Variants in SLC4A10 observed in about 807,000 individuals in gnomAD.
SLC4A10 encodes the protein sodium-driven chloride bicarbonate exchanger.
Under a neutral mutation model 137.7 loss-of-function variants are expected in SLC4A10, and 42 were observed. The observed-to-expected ratio is 0.30, with a 90% confidence interval of 0.24 to 0.39. The LOEUF is 0.39. Among genes scored for constraint, SLC4A10 ranks in the 10% least tolerant of loss-of-function variants. The pLI is 1.00. For synonymous variants in SLC4A10, 474 were observed against 464.1 expected (o/e 1.02, Z -0.27); for missense variants, 925 against 1,355.0 (o/e 0.68, Z 4.98).
At chr2:161,755,302 T>C (rs1329743365) in intron 1 of SLC4A10, among the ~76,000 whole-genome samples, 1 of 152,204 alleles carries the variant, frequency 6.6e-6, no homozygotes, top group Admixed American at 6.5e-5. Flanking sequence ...CATTATTTCA[T>C]TTGGTATGTG....
chr2:161,724,373 A>T (rs1212726543), intron 1 of SLC4A10, among the ~76,000 whole-genome samples: 1 of 152,194 alleles, frequency 6.6e-6, no homozygotes, highest in Non-Finnish European at 1.5e-5. Context: ...CTCCTGCCAC[A>T]TCCCAAATAT....
intron 1 of SLC4A10, among the ~76,000 whole-genome samples, chr2:161,746,689 G>C (rs909219256): frequency 6.6e-6 from 1 of 152,050 alleles, no homozygotes; most frequent in Non-Finnish European, 1.5e-5. Context: ...GAATGTGCTG[G>C]GTTACACCTG....
intron 1 of SLC4A10, among the ~76,000 whole-genome samples, chr2:161,732,610 C>T (rs980157175): frequency 2.0e-5 from 3 of 152,162 alleles, no homozygotes; most frequent in East Asian, 1.9e-4. Flanking sequence ...TGCAGGCTTC[C>T]ATTGATCTTA....
intron 2 of SLC4A10, among the ~76,000 whole-genome samples, chr2:161,790,487 G>A (rs2054082839): frequency 6.6e-6 from 1 of 152,084 alleles, no homozygotes; most frequent in Non-Finnish European, 1.5e-5. Flanking sequence ...TCAACTGGTG[G>A]AGCAATTCTA....
chr2:161,720,596 C>T (rs1471979765), intron 1 of SLC4A10, among the ~76,000 whole-genome samples: 1 of 152,112 alleles, frequency 6.6e-6, no homozygotes, highest in African/African-American at 2.4e-5. Flanking sequence ...GGACAGTTAG[C>T]TCCTCTTGTT....
intron 1 of SLC4A10, among the ~76,000 whole-genome samples, chr2:161,672,605 G>T (rs2039861002): frequency 6.6e-6 from 1 of 151,874 alleles, no homozygotes; most frequent in African/African-American, 2.4e-5. Flanking sequence ...TTACTTCGAG[G>T]GGTGACAGAA....
intron 1 of SLC4A10, among the ~76,000 whole-genome samples, chr2:161,667,179 G>T (rs2039146532): frequency 6.6e-6 from 1 of 151,500 alleles, no homozygotes; most frequent in African/African-American, 2.4e-5. Flanking sequence ...TCTGGGTTTG[G>T]GTTCTATTTC....
chr2:161,885,498 G>C (rs777314581), intron 10 of SLC4A10, among the ~76,000 whole-genome samples: 5 of 152,066 alleles, frequency 3.3e-5, no homozygotes, highest in Non-Finnish European at 7.4e-5. Context: ...CTTATTATGA[G>C]TGTCTGACCC....
At chr2:161,899,598 T>G (rs1189484942) in intron 11 of SLC4A10, among the ~76,000 whole-genome samples, 1 of 152,118 alleles carries the variant, frequency 6.6e-6, no homozygotes, top group African/African-American at 2.4e-5. Context: ...AAACATCACC[T>G]TCTGTTAGTT....
At chr2:161,826,508 T>TA (rs2125713104) in intron 3 of SLC4A10, among the ~76,000 whole-genome samples, 1 of 152,306 alleles carries the variant, frequency 6.6e-6, no homozygotes, top group East Asian at 1.9e-4. Flanking sequence ...AGAAAGTGTC[T>TA]AAAAAATAGA....
intron 1 of SLC4A10, among the ~76,000 whole-genome samples, chr2:161,713,261 T>C (rs965792865): frequency 9.9e-5 from 15 of 151,966 alleles, no homozygotes; most frequent in African/African-American, 3.6e-4. Context: ...TCTTTGCTGA[T>C]GTACGTATTC....
chr2:161,690,999 A>G (rs149850046), intron 1 of SLC4A10, among the ~76,000 whole-genome samples: 11 of 152,276 alleles, frequency 7.2e-5, no homozygotes, highest in East Asian at 5.8e-4. Context: ...TAACCAAATT[A>G]TGACTATAAT....
intron 1 of SLC4A10, among the ~76,000 whole-genome samples, chr2:161,714,621 T>A (rs1319210285): frequency 3.3e-5 from 5 of 151,894 alleles, no homozygotes; most frequent in African/African-American, 9.7e-5. Context: ...CAATTTAATC[T>A]CATAAGAATT....
intron 1 of SLC4A10, among the ~76,000 whole-genome samples, chr2:161,723,875 T>A (rs1288149628): frequency 6.6e-6 from 1 of 152,212 alleles, no homozygotes; most frequent in Non-Finnish European, 1.5e-5. Context: ...AGCTGAAATC[T>A]ATACCTTAAC....
chr2:161,624,421 T>C lies in SLC4A10; in HGVS notation c.-98T>C. On this transcript the variant is annotated 5_prime_UTR_variant, in exon 1 of 27. Coordinates refer to ENST00000446997, the MANE Select transcript of SLC4A10 (RefSeq NM_001178015.2). ...GTGCAATTGCCTCCTGCTTCAGAGC[T>C]ACCTGATCCGAATACTAAGCAGAGC... 6.5e-7 allele frequency: 1 copy of C among 1,540,336 alleles called. No individual in the cohort carries two copies. The highest frequency in any genetic ancestry group is 8.8e-7 in the Non-Finnish European group (1 of 1,140,208).
chr2:161,943,891 A>G (rs574862124), intron 16 of SLC4A10, among the ~76,000 whole-genome samples: 2 of 152,042 alleles, frequency 1.3e-5, no homozygotes, highest in South Asian at 4.1e-4. Context: ...GATTCTTGTA[A>G]AGAGCATATG....
chr2:161,861,375 G>C (rs1009353268), intron 5 of SLC4A10, among the ~76,000 whole-genome samples: 1 of 152,136 alleles, frequency 6.6e-6, no homozygotes, highest in Non-Finnish European at 1.5e-5. Context: ...CCTTGTTGCT[G>C]CTGGAAGCCA....
chr2:161,815,582 G>A (rs763895223), intron 3 of SLC4A10, among the ~76,000 whole-genome samples: 1 of 152,050 alleles, frequency 6.6e-6, no homozygotes, highest in Non-Finnish European at 1.5e-5. Flanking sequence ...TTGACGACAA[G>A]CGATGCTCTA....
intron 2 of SLC4A10, among the ~76,000 whole-genome samples, chr2:161,793,707 C>A (rs932115950): frequency 4.6e-5 from 7 of 152,094 alleles, no homozygotes; most frequent in Non-Finnish European, 7.4e-5. Flanking sequence ...TAATTTCCTG[C>A]TGGTACAATA....
Sources: allele counts gnomAD v4.1 joint callset (sites outside exome capture counted in the v4.1 genomes callset), GRCh38; gene constraint gnomAD v4.1.1; transcripts MANE v1.5; gene names NCBI Gene and HGNC (gene_info 2026-07-23, HGNC 2026-07-21).